ACTR3C: variants seen among roughly 807,000 people sequenced by gnomAD.
The protein encoded by ACTR3C is actin related protein 3C.
ACTR3C carries 18 observed loss-of-function variants against 26.3 expected under a neutral mutation model. That is an observed-to-expected ratio of 0.68 (90% CI 0.47 to 1.01). The LOEUF is 1.01. Ranked by LOEUF, ACTR3C falls within the 50% of genes least tolerant of loss-of-function variation. ACTR3C has a pLI of 0.00. For missense variants in ACTR3C, 184 were observed against 250.7 expected, an observed-to-expected ratio of 0.73 and a Z score of 1.80; for synonymous variants, 55 against 94.5, an observed-to-expected ratio of 0.58 and a Z score of 2.42.
At chr7:150,178,151 AC>A in the ACTR3C span, among the ~76,000 whole-genome samples, 1 of 150,610 alleles carries the variant, frequency 6.6e-6, no homozygotes, top group Admixed American at 6.6e-5. Flanking sequence ...CATTAGTGAT[AC>A]AGCATTTCTG....
chr7:150,000,903 C>T, the ACTR3C span: 2 of 140,332 alleles, frequency 1.4e-5, no homozygotes, highest in African/African-American at 5.1e-5. Flanking sequence ...TGAGTGACAC[C>T]CGCACCCTCC....
At chr7:150,296,278 G>T (rs1363492941) in intron 1 of ACTR3C, among the ~76,000 whole-genome samples, 1 of 150,046 alleles carries the variant, frequency 6.7e-6, no homozygotes, top group Non-Finnish European at 1.5e-5. Flanking sequence ...AGCCTCGGAG[G>T]TGAAGACTAC....
rs1584854954 is a variant in ACTR3C, at chr7:150,259,315, G to A, written c.565-10261C>T. Among the ~76,000 whole-genome samples the A allele has an allele frequency of 2.0e-5, 3 of 147,478 alleles. No homozygotes were observed. In the South Asian group the frequency reaches 6.2e-4, roughly 31 times the overall value. ...AAAAAGAAAGAAAGAAAGAAAAAGA[G>A]AGGAAAGAAAGGAAAGAAAGAAAGA... On this transcript the variant is annotated intron_variant, in intron 6 of 7. Transcript: ENST00000683684.
the ACTR3C span, among the ~76,000 whole-genome samples, chr7:150,136,785 C>T: frequency 2.6e-4 from 40 of 152,290 alleles, no homozygotes; most frequent in African/African-American, 7.2e-4. Context: ...ACCTCTGCTG[C>T]GAGGGCTCAG....
At chr7:150,266,457 G>T (rs1834043910) in intron 6 of ACTR3C, among the ~76,000 whole-genome samples, 1 of 151,168 alleles carries the variant, frequency 6.6e-6, no homozygotes, top group Non-Finnish European at 1.5e-5. Flanking sequence ...TAAATGTAAG[G>T]GCTAAAAGCA....
At chr7:150,063,996 C>T in the ACTR3C span, among the ~76,000 whole-genome samples, 1 of 151,874 alleles carries the variant, frequency 6.6e-6, no homozygotes, top group African/African-American at 2.4e-5. Flanking sequence ...AAAAATACCC[C>T]TTGCTTGAAC....
chr7:150,079,115 A>G, the ACTR3C span, among the ~76,000 whole-genome samples: 20 of 152,296 alleles, frequency 1.3e-4, no homozygotes, highest in African/African-American at 4.6e-4. Context: ...TTTTTATGTG[A>G]AAATGATTGT....
chr7:149,890,192 A>G, the ACTR3C span, among the ~76,000 whole-genome samples: 5 of 152,012 alleles, frequency 3.3e-5, no homozygotes, highest in African/African-American at 1.2e-4. Context: ...TACTTGCATG[A>G]AAAAAAATCC....
At chr7:149,953,011 GA>G in the ACTR3C span, among the ~76,000 whole-genome samples, 37 of 151,252 alleles carry the variant, frequency 2.4e-4, no homozygotes, top group African/African-American at 8.1e-4. Context: ...ATATATGTAC[GA>G]AAAACGGCAC....
the ACTR3C span, among the ~76,000 whole-genome samples, chr7:149,943,059 C>T: frequency 6.6e-6 from 1 of 152,032 alleles, no homozygotes; most frequent in Non-Finnish European, 1.5e-5. Flanking sequence ...TTCTGAGCTC[C>T]ACTTCAGGCT....
downstream of ACTR3C, among the ~76,000 whole-genome samples, chr7:150,239,115 C>T (rs1446168304): frequency 6.6e-6 from 1 of 152,000 alleles, no homozygotes; most frequent in Non-Finnish European, 1.5e-5. Context: ...CTGACTGCCC[C>T]ACACACTTTT....
the ACTR3C span, among the ~76,000 whole-genome samples, chr7:150,157,964 GAGA>G: frequency 1.3e-5 from 2 of 152,176 alleles, no homozygotes; most frequent in South Asian, 2.1e-4. Context: ...TTAATATCCA[GAGA>G]AGAAGGAACT....
chr7:149,896,217 A>C, the ACTR3C span, among the ~76,000 whole-genome samples: 1 of 152,230 alleles, frequency 6.6e-6, no homozygotes, highest in African/African-American at 2.4e-5. Context: ...ACAGTTTCTG[A>C]TATGAACTAA....
chr7:150,114,477 A>G, the ACTR3C span, among the ~76,000 whole-genome samples: 1 of 152,184 alleles, frequency 6.6e-6, no homozygotes, highest in African/African-American at 2.4e-5. Flanking sequence ...AGAAGAAGCC[A>G]TTAAAAAAAA....
chr7:150,069,873 A>G, the ACTR3C span, among the ~76,000 whole-genome samples: 15 of 152,162 alleles, frequency 9.9e-5, no homozygotes, highest in Admixed American at 2.6e-4. Flanking sequence ...CTGTGTGAGT[A>G]GTCACCAGGG....
the ACTR3C span, among the ~76,000 whole-genome samples, chr7:150,180,799 T>C: frequency 6.0e-5 from 9 of 148,780 alleles, no homozygotes; most frequent in East Asian, 3.9e-4. Flanking sequence ...CGTGAGCCAC[T>C]GTGCCTGGCC....
chr7:150,240,193 A>C (rs184523569), downstream of ACTR3C, among the ~76,000 whole-genome samples: 161 of 152,338 alleles, frequency 1.1e-3, 1 homozygote, highest in Non-Finnish European at 4.1e-4. Flanking sequence ...GTCATGTTAA[A>C]CATACATGAC....
chr7:150,028,704 C>T, the ACTR3C span, among the ~76,000 whole-genome samples: 10 of 152,294 alleles, frequency 6.6e-5, no homozygotes, highest in African/African-American at 2.4e-4. Context: ...CCACACTCAT[C>T]CCCCTGTGCT....
chr7:150,195,852 C>T, the ACTR3C span, among the ~76,000 whole-genome samples: 3 of 152,230 alleles, frequency 2.0e-5, no homozygotes, highest in East Asian at 5.8e-4. Flanking sequence ...GCACTCCAGC[C>T]TGGGAGGCAG....
Sources: allele counts gnomAD v4.1 joint callset (sites outside exome capture counted in the v4.1 genomes callset), GRCh38; gene constraint gnomAD v4.1.1; transcripts MANE v1.5; gene names NCBI Gene and HGNC (gene_info 2026-07-23, HGNC 2026-07-21).